EIF4G3: variants seen among roughly 807,000 people sequenced by gnomAD.
EIF4G3 encodes the protein eukaryotic translation initiation factor 4 gamma 3.
A neutral mutation model predicts 186.4 loss-of-function variants in EIF4G3; 34 were observed. The ratio of observed to expected loss-of-function variants is 0.18; its 90% CI spans 0.14 to 0.24. The LOEUF (loss-of-function observed/expected upper bound fraction) is 0.24. EIF4G3 is among the 10% of genes least tolerant of loss of function. The probability of loss-of-function intolerance (pLI) is 1.00; values close to 1 mark genes in which losing one functional copy is unlikely to be tolerated. For synonymous variants in EIF4G3, 673 were observed against 679.5 expected (o/e 0.99, Z 0.15); for missense variants, 1,536 against 1,948.5 (o/e 0.79, Z 3.99).
intron 15 of EIF4G3, among the ~76,000 whole-genome samples, chr1:20,902,788 G>A (rs1209732595): frequency 2.0e-5 from 3 of 152,034 alleles, no homozygotes; most frequent in Non-Finnish European, 4.4e-5. Flanking sequence ...TTATAGGCGC[G>A]CGCCACCACG....
At chr1:21,089,540 C>T (rs10916932) in intron 2 of EIF4G3, among the ~76,000 whole-genome samples, 5,151 of 152,136 alleles carry the variant, frequency 0.034, 293 homozygotes, top group African/African-American at 0.12. Flanking sequence ...GTGGCTCAAG[C>T]CTATAATCCC....
chr1:20,936,430 G>T (rs1382276465), intron 14 of EIF4G3, among the ~76,000 whole-genome samples: 1 of 152,150 alleles, frequency 6.6e-6, no homozygotes, highest in Admixed American at 6.6e-5. Context: ...CTGTTTCCAT[G>T]TTTCCAGAAC....
In EIF4G3 at chr1:21,160,747, G is replaced by A. The variant is rs12239941; in HGVS notation, c.-272+15428C>T. On this transcript the variant is annotated intron_variant, in intron 2 of 36. Coordinates refer to ENST00000602326, the MANE Select transcript of EIF4G3 (RefSeq NM_001391906.1). ...AAAGATAAGGAAAGTCACAGGAATC[G>A]TTACAAACCATAAGAGAATAAAGAG... 4.7e-3 allele frequency among the ~76,000 whole-genome samples: 709 copies of A among 152,280 alleles called. 4 individuals carry two copies. The highest frequency in any genetic ancestry group is 0.015 in the African/African-American group (641 of 41,562).
intron 20 of EIF4G3, among the ~76,000 whole-genome samples, chr1:20,872,144 A>T (rs1002777459): frequency 2.0e-5 from 3 of 152,022 alleles, no homozygotes; most frequent in African/African-American, 7.3e-5. Context: ...TATATTAGAG[A>T]CGGGGTCTTG....
chr1:21,052,435 C>G lies in EIF4G3; in HGVS notation c.-195-1441G>C, dbSNP rs527665100. On this transcript the variant is annotated intron_variant, in intron 3 of 36. Transcript: ENST00000602326. The stretch of plus-strand genomic sequence containing the variant: ...TTGCCAATCTAGCATAAAATACAGA[C>G]TTCTCAGAATCGTGTTATTAAATAC... Among the ~76,000 whole-genome samples, 57 of 152,306 alleles carry G rather than the reference C, an allele frequency of 3.7e-4. No individual in the cohort carries two copies. The South Asian group carries it at 0.011, about 30-fold the overall frequency.
intron 4 of EIF4G3, among the ~76,000 whole-genome samples, chr1:21,022,353 G>A (rs1571166500): frequency 6.6e-6 from 1 of 152,180 alleles, no homozygotes; most frequent in Non-Finnish European, 1.5e-5. Context: ...TCATCACTGA[G>A]TTGGTTAAAT....
chr1:21,121,069 C>T (rs1461917778), intron 2 of EIF4G3, among the ~76,000 whole-genome samples: 2 of 152,156 alleles, frequency 1.3e-5, no homozygotes, highest in Non-Finnish European at 2.9e-5. Flanking sequence ...CAGGAGTGAG[C>T]CACCATGCCC....
chr1:21,052,194 G>A (rs907619331), intron 3 of EIF4G3, among the ~76,000 whole-genome samples: 1 of 152,028 alleles, frequency 6.6e-6, no homozygotes, highest in Non-Finnish European at 1.5e-5. Flanking sequence ...TTGCTCATCA[G>A]CCCATTACGG....
chr1:20,948,319 G>A (rs1353433782), intron 13 of EIF4G3, among the ~76,000 whole-genome samples: 1 of 152,156 alleles, frequency 6.6e-6, no homozygotes, highest in Non-Finnish European at 1.5e-5. Flanking sequence ...AAGGTAAATG[G>A]CTTTACTATT....
At position 20,849,429 on chromosome 1, in the gene EIF4G3, T is replaced by C. The variant is rs2072520243; in HGVS notation, c.3874A>G (p.Ile1292Val). ...ATCTCATTTACCTTAAAATCATTAA[T>C]GTGTAGAAATTCATCAATGATAGAT... ...SKSIIDEFLH[I>V]NDFKEAMQCV... is the part of the protein sequence containing the mutation. The change falls in exon 29 of 37, where the codon ATT becomes GTT. Residue 1292 changes from isoleucine (I) to valine (V), a missense_variant. This residue lies in a region of EIF4G3 where 395 missense variants were observed against 498.9 expected (regional missense o/e 0.79). Coordinates refer to ENST00000602326, the MANE Select transcript of EIF4G3 (RefSeq NM_001391906.1). 4.6e-6 allele frequency: 7 copies of C among 1,531,712 alleles called. No homozygotes were observed. Among genetic ancestry groups the C allele is most frequent in the South Asian group, 1.3e-5 (1 of 79,384 alleles). 94.9% of individuals were successfully genotyped at this position (1,531,712 alleles called of 1,614,324 possible). A position where few individuals can be genotyped will look rare whatever the true frequency, so the allele number is the denominator to read the frequency against.
intron 7 of EIF4G3, among the ~76,000 whole-genome samples, chr1:20,990,172 T>G (rs1156834597): frequency 1.3e-5 from 2 of 151,840 alleles, no homozygotes; most frequent in African/African-American, 4.8e-5. Flanking sequence ...AGACTCCATC[T>G]CAAAAACAAA....
intron 15 of EIF4G3, among the ~76,000 whole-genome samples, chr1:20,902,159 G>A (rs560719135): frequency 5.9e-5 from 9 of 151,768 alleles, no homozygotes; most frequent in Non-Finnish European, 1.3e-4. Context: ...CGCCTCCCAG[G>A]TTCAAGCGAT....
intron 14 of EIF4G3, among the ~76,000 whole-genome samples, chr1:20,917,684 A>C (rs916031598): frequency 6.6e-6 from 1 of 152,200 alleles, no homozygotes; most frequent in African/African-American, 2.4e-5. Context: ...GGTGATAAAT[A>C]CGATTATAGT....
At chr1:20,930,352 C>A (rs999355023) in intron 14 of EIF4G3, among the ~76,000 whole-genome samples, 1 of 152,180 alleles carries the variant, frequency 6.6e-6, no homozygotes, top group Non-Finnish European at 1.5e-5. Flanking sequence ...TTTACCCAAT[C>A]CTCTCATACC....
chr1:20,905,925 A>G (rs887514946), intron 14 of EIF4G3, among the ~76,000 whole-genome samples: 2 of 152,086 alleles, frequency 1.3e-5, no homozygotes, highest in African/African-American at 4.8e-5. Context: ...ATTCACTGAG[A>G]CTCTGGGACA....
At chr1:20,970,302 A>G (rs1042649997) in intron 11 of EIF4G3, among the ~76,000 whole-genome samples, 1 of 152,184 alleles carries the variant, frequency 6.6e-6, no homozygotes, top group South Asian at 2.1e-4. Flanking sequence ...GTTGATCGAG[A>G]ACAGAATAGC....
intron 4 of EIF4G3, among the ~76,000 whole-genome samples, chr1:21,020,607 T>C (rs1442480888): frequency 6.6e-6 from 1 of 152,234 alleles, no homozygotes; most frequent in Non-Finnish European, 1.5e-5. Context: ...TTTCAAACGA[T>C]GTCCAAGTCA....
intron 36 of EIF4G3, among the ~76,000 whole-genome samples, chr1:20,808,349 G>C (rs2058530229): frequency 6.6e-6 from 1 of 152,088 alleles, no homozygotes; most frequent in African/African-American, 2.4e-5. Flanking sequence ...AAGGGAGAAA[G>C]GCAGGATATG....
In EIF4G3 at chr1:21,060,801, A is replaced by C. The variant is rs914692283; in HGVS notation, c.-195-9807T>G. On this transcript the variant is annotated intron_variant, in intron 3 of 36. Coordinates refer to ENST00000602326, the MANE Select transcript of EIF4G3 (RefSeq NM_001391906.1). The stretch of plus-strand genomic sequence containing the variant: ...TCTTAAGAAAAAAAAAAAAAAAAAA[A>C]AAACAAAGCTACTGCAATCATCTTG... 5.7e-4 allele frequency among the ~76,000 whole-genome samples: 82 copies of C among 144,936 alleles called. 1 individual carries two copies. The highest frequency in any genetic ancestry group is 3.6e-4 in the Non-Finnish European group (23 of 64,634).
Sources: gnomAD v4.1 joint callset for allele counts (sites outside exome capture counted in the v4.1 genomes callset) on GRCh38, gnomAD v4.1.1 for gene constraint, gnomAD v4.1.1 regional missense constraint, MANE v1.5 for transcripts, NCBI Gene and HGNC (gene_info 2026-07-23, HGNC 2026-07-21) for gene names.